Variants in CSMD3 observed in about 807,000 individuals in gnomAD.
CSMD3 encodes CUB and Sushi multiple domains 3.
CSMD3 carries 177 observed loss-of-function variants against 435.2 expected under a neutral mutation model. The observed-to-expected ratio is 0.41, with a 90% CI of 0.36 to 0.46. CSMD3 has a LOEUF of 0.46. CSMD3 is among the 20% of genes least tolerant of loss of function. The pLI, the probability that CSMD3 is intolerant of heterozygous loss-of-function variation, is 0.34. For missense variants in CSMD3, 4,265 were observed against 4,504.6 expected (o/e 0.95, Z 1.52); for synonymous variants, 1,656 against 1,520.5 (o/e 1.09, Z -2.07).
At chr8:113,137,382 G>T (rs1263608448) in intron 4 of CSMD3, among the ~76,000 whole-genome samples, 1 of 151,600 alleles carries the variant, frequency 6.6e-6, no homozygotes, top group Non-Finnish European at 1.5e-5. Context: ...TTTATAAAAA[G>T]AGTTTATTAA....
intron 1 of CSMD3, among the ~76,000 whole-genome samples, chr8:113,355,449 T>C (rs2094215708): frequency 6.6e-6 from 1 of 151,898 alleles, no homozygotes; most frequent in South Asian, 2.1e-4. Context: ...CAGTGTCTGG[T>C]GAGGGCCACT....
intron 2 of CSMD3, chr8:113,312,661 G>T (rs1588495416): frequency 6.6e-6 from 1 of 152,086 alleles, no homozygotes; most frequent in African/African-American, 2.4e-5. Flanking sequence ...AGGTAATATT[G>T]AAAGAAGTAT....
At chr8:112,968,701 T>A (rs530939273) in intron 7 of CSMD3, among the ~76,000 whole-genome samples, 2 of 152,116 alleles carry the variant, frequency 1.3e-5, no homozygotes, top group South Asian at 4.1e-4. Context: ...CTCTGTAATC[T>A]AATCTCTACA....
intron 58 of CSMD3, among the ~76,000 whole-genome samples, chr8:112,284,250 G>A (rs1201098833): frequency 6.6e-6 from 1 of 151,720 alleles, no homozygotes; most frequent in East Asian, 1.9e-4. Context: ...ATTAAATGAA[G>A]TCACTTAAAC....
chr8:112,891,184 T>C (rs1035107496), intron 10 of CSMD3, among the ~76,000 whole-genome samples: 3 of 151,596 alleles, frequency 2.0e-5, no homozygotes, highest in Non-Finnish European at 3.0e-5. Flanking sequence ...CGATGTGTGA[T>C]CTGCAGCAGT....
intron 1 of CSMD3, among the ~76,000 whole-genome samples, chr8:113,325,141 C>A (rs1053420293): frequency 6.6e-6 from 1 of 152,184 alleles, no homozygotes; most frequent in Admixed American, 6.5e-5. Context: ...CTTTGGACTA[C>A]GGACTTCTGA....
At chr8:112,307,429 G>T (rs189409986) in intron 50 of CSMD3, among the ~76,000 whole-genome samples, 1 of 152,002 alleles carries the variant, frequency 6.6e-6, no homozygotes, top group African/African-American at 2.4e-5. Flanking sequence ...CTACAGGCAC[G>T]CATCACCAGG....
chr8:113,388,554 C>T (rs535803592), intron 1 of CSMD3, among the ~76,000 whole-genome samples: 3 of 151,556 alleles, frequency 2.0e-5, no homozygotes, highest in Admixed American at 2.0e-4. Flanking sequence ...TTTTTGTTTG[C>T]AGCAATTAAA....
At chr8:113,106,189 C>G (rs1294164187) in intron 4 of CSMD3, among the ~76,000 whole-genome samples, 1 of 151,682 alleles carries the variant, frequency 6.6e-6, no homozygotes, top group East Asian at 1.9e-4. Flanking sequence ...TATATAACCA[C>G]AGCAAAGCCT....
chr8:113,126,240 C>T (rs1412771539), intron 4 of CSMD3, among the ~76,000 whole-genome samples: 1 of 151,674 alleles, frequency 6.6e-6, no homozygotes, highest in Non-Finnish European at 1.5e-5. Context: ...CCAGGCAGTC[C>T]AGCTCTATAA....
At chr8:112,280,013 C>T (rs1818469075) in intron 59 of CSMD3, among the ~76,000 whole-genome samples, 1 of 152,030 alleles carries the variant, frequency 6.6e-6, no homozygotes, top group Non-Finnish European at 1.5e-5. Flanking sequence ...ATTTTGAGGG[C>T]AACAAATTCA....
chr8:113,006,246 A>C (rs867447339), intron 6 of CSMD3, among the ~76,000 whole-genome samples: 2 of 152,050 alleles, frequency 1.3e-5, no homozygotes, highest in Non-Finnish European at 2.9e-5. Context: ...TTCCCAAACA[A>C]GTCCTTTACT....
chr8:113,219,664 T>C (rs1373374355), intron 3 of CSMD3, among the ~76,000 whole-genome samples: 1 of 151,336 alleles, frequency 6.6e-6, no homozygotes, highest in Non-Finnish European at 1.5e-5. Flanking sequence ...CACAAGTAGA[T>C]CAAAGATACA....
intron 63 of CSMD3, among the ~76,000 whole-genome samples, chr8:112,252,765 C>A (rs901319700): frequency 8.7e-5 from 13 of 149,398 alleles, no homozygotes; most frequent in African/African-American, 2.9e-4. Context: ...ATGTAAGACA[C>A]AAAATACATT....
At chr8:112,888,352 T>C (rs1163914908) in intron 10 of CSMD3, among the ~76,000 whole-genome samples, 1 of 151,658 alleles carries the variant, frequency 6.6e-6, no homozygotes, top group African/African-American at 2.4e-5. Flanking sequence ...CTGGCTAACG[T>C]AGGCTTAAAG....
chr8:112,839,505 C>G (rs1489523490), intron 11 of CSMD3, among the ~76,000 whole-genome samples: 1 of 151,702 alleles, frequency 6.6e-6, no homozygotes, highest in Admixed American at 6.6e-5. Flanking sequence ...AAATGATCAA[C>G]TTGAATTTAC....
At chr8:112,377,149 AAC>A (rs1829020265) in intron 38 of CSMD3, among the ~76,000 whole-genome samples, 1 of 152,084 alleles carries the variant, frequency 6.6e-6, no homozygotes, top group South Asian at 2.1e-4. Context: ...GCAATTTAAA[AAC>A]ACTTATAATA....
At chr8:112,268,426 C>T (rs1479052846) in intron 59 of CSMD3, among the ~76,000 whole-genome samples, 2 of 152,114 alleles carry the variant, frequency 1.3e-5, no homozygotes, top group South Asian at 2.1e-4. Flanking sequence ...CAATCTATGC[C>T]GCTTTAAAAC....
intron 22 of CSMD3, among the ~76,000 whole-genome samples, chr8:112,622,931 G>A (rs2131524360): frequency 6.6e-6 from 1 of 152,206 alleles, no homozygotes; most frequent in African/African-American, 2.4e-5. Flanking sequence ...GGTTAACTAT[G>A]TTTTTCAACT....
Sources: allele counts gnomAD v4.1 joint callset (sites outside exome capture counted in the v4.1 genomes callset), GRCh38; gene constraint gnomAD v4.1.1; transcripts MANE v1.5; gene names NCBI Gene and HGNC (gene_info 2026-07-23, HGNC 2026-07-21).